FRMD4A: variants seen among roughly 807,000 people sequenced by gnomAD.
FRMD4A encodes FERM domain-containing protein 4A.
Under a neutral mutation model 129.1 loss-of-function variants are expected in FRMD4A, and 29 were observed. The ratio of observed to expected loss-of-function variants is 0.22; its 90% confidence interval spans 0.17 to 0.31. The LOEUF is 0.31. Ranked by LOEUF, FRMD4A falls within the 10% of genes least tolerant of loss-of-function variation. FRMD4A has a pLI of 1.00. For synonymous variants in FRMD4A, 634 were observed against 571.6 expected (o/e 1.11, Z -1.56); for missense variants, 1,272 against 1,375.8 (o/e 0.92, Z 1.19).
chr10:13,960,060 C>A (rs1360807625), intron 2 of FRMD4A, among the ~76,000 whole-genome samples: 1 of 152,148 alleles, frequency 6.6e-6, no homozygotes, highest in Non-Finnish European at 1.5e-5. Flanking sequence ...GATCCGGGAT[C>A]AGAGGGAAGA....
intron 2 of FRMD4A, among the ~76,000 whole-genome samples, chr10:14,115,829 G>C (rs1838170139): frequency 6.6e-6 from 1 of 152,184 alleles, no homozygotes; most frequent in Non-Finnish European, 1.5e-5. Context: ...ACCAGAATAA[G>C]CCTCCTTTCT....
intron 2 of FRMD4A, among the ~76,000 whole-genome samples, chr10:14,107,741 C>T (rs1837661470): frequency 6.6e-6 from 1 of 152,160 alleles, no homozygotes; most frequent in South Asian, 2.1e-4. Flanking sequence ...ATAATATATC[C>T]TGAAAATCAC....
intron 6 of FRMD4A, among the ~76,000 whole-genome samples, chr10:13,769,236 T>TGTGTGC (rs2092383435): frequency 6.6e-6 from 1 of 151,458 alleles, no homozygotes; most frequent in African/African-American, 2.4e-5. Context: ...TGTGTGTGTG[T>TGTGTGC]GTGCGTATGT....
At chr10:13,673,195 A>AT (rs1385807857) in intron 16 of FRMD4A, among the ~76,000 whole-genome samples, 1 of 152,212 alleles carries the variant, frequency 6.6e-6, no homozygotes, top group Non-Finnish European at 1.5e-5. Flanking sequence ...CTTTATAAAA[A>AT]TGTTGCTAAT....
At chr10:13,812,949 T>A (rs1239316824) in intron 3 of FRMD4A, among the ~76,000 whole-genome samples, 1 of 152,146 alleles carries the variant, frequency 6.6e-6, no homozygotes, top group African/African-American at 2.4e-5. Context: ...TGCAGTGGAG[T>A]AAACGTGGCA....
intron 2 of FRMD4A, among the ~76,000 whole-genome samples, chr10:14,119,046 G>A (rs1332202830): frequency 6.6e-6 from 1 of 152,186 alleles, no homozygotes; most frequent in Non-Finnish European, 1.5e-5. Flanking sequence ...GTTGGAGGAG[G>A]TCTTAGTTTC....
chr10:14,256,259 T>C (rs1844610837), intron 2 of FRMD4A, among the ~76,000 whole-genome samples: 1 of 152,022 alleles, frequency 6.6e-6, no homozygotes. Flanking sequence ...TGATGAAAAC[T>C]ATAAAGCTTT....
chr10:14,036,685 C>T (rs978930640), intron 2 of FRMD4A, among the ~76,000 whole-genome samples: 3 of 152,164 alleles, frequency 2.0e-5, no homozygotes, highest in African/African-American at 7.2e-5. Flanking sequence ...CAGGCTCAAG[C>T]AATTCACCTC....
chr10:13,949,430 G>A (rs934555304), intron 2 of FRMD4A, among the ~76,000 whole-genome samples: 1 of 152,082 alleles, frequency 6.6e-6, no homozygotes, highest in African/African-American at 2.4e-5. Context: ...GTTCACACAG[G>A]AATTTATACA....
At chr10:13,828,680 G>A (rs896191407) in intron 3 of FRMD4A, among the ~76,000 whole-genome samples, 5 of 152,056 alleles carry the variant, frequency 3.3e-5, no homozygotes, top group African/African-American at 1.2e-4. Context: ...TTATAGGCAT[G>A]TGCCACCATG....
At chr10:13,733,962 G>A (rs2090470147) in intron 12 of FRMD4A, among the ~76,000 whole-genome samples, 1 of 152,142 alleles carries the variant, frequency 6.6e-6, no homozygotes, top group Admixed American at 6.5e-5. Context: ...TGCTACTCCT[G>A]AGCTCCAGCT....
intron 2 of FRMD4A, among the ~76,000 whole-genome samples, chr10:14,127,925 T>C (rs933708089): frequency 2.2e-4 from 1 of 4,604 alleles, no homozygotes; most frequent in Non-Finnish European, 3.8e-4. Flanking sequence ...TTTCTTTCTT[T>C]CTTTCTTTCT....
At chr10:13,838,376 G>A (rs1210800579) in intron 3 of FRMD4A, among the ~76,000 whole-genome samples, 1 of 151,404 alleles carries the variant, frequency 6.6e-6, no homozygotes, top group Non-Finnish European at 1.5e-5. Flanking sequence ...TTACAGGCAT[G>A]AACTACCACG....
chr10:13,963,558 C>T (rs1237292788), intron 2 of FRMD4A, among the ~76,000 whole-genome samples: 2 of 152,180 alleles, frequency 1.3e-5, no homozygotes, highest in African/African-American at 4.8e-5. Flanking sequence ...AACCCAATCT[C>T]ATTTTAGAGG....
intron 2 of FRMD4A, among the ~76,000 whole-genome samples, chr10:14,218,662 C>T (rs1340434913): frequency 6.6e-6 from 1 of 152,028 alleles, no homozygotes; most frequent in African/African-American, 2.4e-5. Context: ...AAGACCAGGT[C>T]CCTCCCACAT....
chr10:13,660,357 G>A lies in FRMD4A; in HGVS notation c.1857C>T (p.Pro619=), dbSNP rs2082542146. The change falls in exon 20 of 25, where the codon CCC becomes CCT. Residue 619 remains proline (P), a synonymous_variant. Coordinates refer to ENST00000357447, the MANE Select transcript of FRMD4A (RefSeq NM_018027.5). ...AGGAGCGCTTCTTGACCTTCTCATA[G>A]GGTTCATCTAAAGAGGACTCACTCC... ...KMWSESSLDE[P]YEKVKKRSSH... is the part of the protein sequence containing the mutation. 6.2e-7 allele frequency: 1 copy of A among 1,613,940 alleles called. No homozygotes were observed. Among genetic ancestry groups the A allele is most frequent in the Admixed American group, 1.7e-5 (1 of 59,998 alleles).
intron 2 of FRMD4A, among the ~76,000 whole-genome samples, chr10:13,894,773 G>C (rs1421506882): frequency 6.6e-6 from 1 of 152,164 alleles, no homozygotes; most frequent in Non-Finnish European, 1.5e-5. Context: ...TTTTCCCCCA[G>C]GTACTTAATA....
At chr10:13,945,064 T>G (rs1235080017) in intron 2 of FRMD4A, among the ~76,000 whole-genome samples, 1 of 152,026 alleles carries the variant, frequency 6.6e-6, no homozygotes, top group Non-Finnish European at 1.5e-5. Context: ...AACAGTACAA[T>G]GGGAGTAACA....
chr10:14,244,227 C>T (rs1041587839), intron 2 of FRMD4A, among the ~76,000 whole-genome samples: 5 of 152,232 alleles, frequency 3.3e-5, no homozygotes, highest in African/African-American at 1.2e-4. Context: ...ACCTCAGATG[C>T]TACCCTGTGC....
Sources: gnomAD v4.1 joint callset for allele counts (sites outside exome capture counted in the v4.1 genomes callset) on GRCh38, gnomAD v4.1.1 for gene constraint, MANE v1.5 for transcripts, NCBI Gene and HGNC (gene_info 2026-07-23, HGNC 2026-07-21) for gene names.